The following STX17 variants were observed in gnomAD, a reference collection of about 807,000 sequenced individuals.
STX17 encodes syntaxin-17.
In STX17, 29 loss-of-function variants were observed where a neutral mutation model predicts 35.9. That is an observed-to-expected ratio of 0.81 (90% CI 0.60 to 1.10). The LOEUF (loss-of-function observed/expected upper bound fraction) is 1.10, where lower values mean the gene tolerates loss of function less well. Ranked by LOEUF, STX17 falls within the 50% of genes least tolerant of loss-of-function variation. STX17 has a pLI of 0.00. For missense variants in STX17, 312 were observed against 352.3 expected, an observed-to-expected ratio of 0.89 and a Z score of 0.92; for synonymous variants, 92 against 118.3, an observed-to-expected ratio of 0.78 and a Z score of 1.44.
In STX17 at chr9:99,963,302, C is replaced by A. The variant is rs1210278152; in HGVS notation, c.582+3147C>A. On this transcript the variant is annotated intron_variant, in intron 6 of 7. Coordinates refer to ENST00000259400, the MANE Select transcript of STX17 (RefSeq NM_017919.3). ...CTCTCCCTATAACTTTGTAACTAGC[C>A]CTATTTCTAGTCAAGGAGAATTTAA... is the stretch of plus-strand genomic sequence containing the variant. Among the ~76,000 whole-genome samples, 5 of 152,024 alleles carry A rather than the reference C, an allele frequency of 3.3e-5. No individual in the cohort carries two copies. In the East Asian group the frequency reaches 9.6e-4, roughly 29 times the overall value.
At chr9:99,947,920 C>T (rs1441314070) in intron 3 of STX17, among the ~76,000 whole-genome samples, 1 of 151,338 alleles carries the variant, frequency 6.6e-6, no homozygotes, top group Non-Finnish European at 1.5e-5. Flanking sequence ...TACTTACTAT[C>T]TTGTTTGCTT....
Position 99,960,014 on chromosome 9 carries a change from G to A in STX17, c.513G>A (p.Ser171=), listed in dbSNP as rs761598631. 32 of 1,613,858 alleles carry A rather than the reference G, an allele frequency of 2.0e-5. No homozygotes were observed. The highest frequency in any genetic ancestry group is 2.2e-5 in the East Asian group (1 of 44,852). Residue 171 remains serine (S), a synonymous_variant, in exon 5 of 8, where the codon TCG becomes TCA. Transcript: ENST00000259400. ...EIPQDQNAAE[S]WETLEADLIE... ...CTCAAGATCAAAATGCTGCAGAATC[G>A]TGGGAAACCTTAGAAGCGGTATGTT...
intron 4 of STX17, 99 bp downstream of exon 4, chr9:99,951,384 G>T: frequency 9.6e-7 from 1 of 1,041,348 alleles, no homozygotes; most frequent in South Asian, 1.6e-5. Flanking sequence ...GGTCTTCAGA[G>T]ACCATTCACT....
At chr9:99,946,224 G>A (rs1829478906) in intron 3 of STX17, among the ~76,000 whole-genome samples, 1 of 151,988 alleles carries the variant, frequency 6.6e-6, no homozygotes. Flanking sequence ...AAGTAATCTA[G>A]CGATAAAGTA....
intron 2 of STX17, chr9:99,916,055 A>G (rs1466128083): frequency 2.2e-6 from 1 of 456,018 alleles, no homozygotes; most frequent in Non-Finnish European, 4.4e-6. Context: ...TTAGGTATAC[A>G]TACATTAAAG....
At chr9:99,952,487 C>T (rs1461683391) in intron 4 of STX17, among the ~76,000 whole-genome samples, 1 of 152,180 alleles carries the variant, frequency 6.6e-6, no homozygotes, top group Non-Finnish European at 1.5e-5. Context: ...CCTCAAGGAT[C>T]TAGAACTAGA....
At position 99,968,918 on chromosome 9, in the gene STX17, A is replaced by C; in HGVS notation, c.*245A>C. 2.7e-6 allele frequency: 1 copy of C among 376,416 alleles called. No homozygotes were observed. Among genetic ancestry groups the C allele is most frequent in the East Asian group, 4.8e-5 (1 of 20,742 alleles). 23.3% of individuals were successfully genotyped at this position (376,416 alleles called of 1,614,324 possible). A position where few individuals can be genotyped will look rare whatever the true frequency, so the allele number is the denominator to read the frequency against. ...TGTCAGGTAAAGTTTGAAGACTGCCAAGGAGCAGATTTTCTCCCTGGAAAT... is the reference window on the plus strand; with the variant it reads ...TGTCAGGTAAAGTTTGAAGACTGCCCAGGAGCAGATTTTCTCCCTGGAAAT... On this transcript the variant is annotated 3_prime_UTR_variant, in exon 8 of 8. Coordinates refer to ENST00000259400, the MANE Select transcript of STX17 (RefSeq NM_017919.3).
At position 99,959,899 on chromosome 9, in the gene STX17, G is replaced by T. The variant is rs757160374; in HGVS notation, c.416-18G>T. ...AAAGCAAATAAACTCTAAACATGGG[G>T]TTATTATGTTCATCCAGGAGCATTT... On this transcript the variant is annotated intron_variant, in intron 4 of 7. Transcript: ENST00000259400. 1.3e-6 allele frequency: 2 copies of T among 1,555,952 alleles called. No individual in the cohort carries two copies. The highest frequency in any genetic ancestry group is 1.7e-5 in the Admixed American group (1 of 57,200).
At position 99,916,093 on chromosome 9, in the gene STX17, A is replaced by C. The variant is rs767838117; in HGVS notation, c.123+731A>C. ...GTAAATCATTGTGAGATATGAGGGA[A>C]TTTCCTTACTTCACAGCTTCCCTTT... On this transcript the variant is annotated intron_variant, in intron 2 of 7. Coordinates refer to ENST00000259400, the MANE Select transcript of STX17 (RefSeq NM_017919.3). 1.8e-5 allele frequency: 8 copies of C among 455,506 alleles called. No individual in the cohort carries two copies. In the East Asian group the frequency reaches 4.9e-4, roughly 28 times the overall value. 28.2% of individuals were successfully genotyped at this position (455,506 alleles called of 1,614,324 possible). A position where few individuals can be genotyped will look rare whatever the true frequency, so the allele number is the denominator to read the frequency against.
Position 99,959,659 on chromosome 9 carries a change from C to T in STX17, c.416-258C>T, listed in dbSNP as rs553236117. Among the ~76,000 whole-genome samples the T allele has an allele frequency of 2.0e-5, 3 of 152,148 alleles. No individual in the cohort carries two copies. In the East Asian group the frequency reaches 5.8e-4, roughly 29 times the overall value. On this transcript the variant is annotated intron_variant, in intron 4 of 7. Transcript: ENST00000259400. ...ATTTCTTTGTAGAGACGAGGTCTCA[C>T]TCTGTTGCCCAGACGGGTCTTGAAC...
chr9:99,947,932 A>C (rs372194693), intron 3 of STX17, among the ~76,000 whole-genome samples: 1 of 150,274 alleles, frequency 6.7e-6, no homozygotes, highest in Non-Finnish European at 1.5e-5. Flanking sequence ...TGTTTGCTTT[A>C]TGGTACTTTT....
intron 3 of STX17, among the ~76,000 whole-genome samples, chr9:99,946,944 C>T (rs1206220169): frequency 5.3e-5 from 8 of 151,906 alleles, no homozygotes; most frequent in East Asian, 1.9e-4. Context: ...GTGTATTTTT[C>T]CTTTTATTTA....
chr9:99,968,896 C>G lies in STX17; in HGVS notation c.*223C>G. ...TGGGCTGAGGGTATATAATGTATGT[C>G]AGGTAAAGTTTGAAGACTGCCAAGG... On this transcript the variant is annotated 3_prime_UTR_variant, in exon 8 of 8. Transcript: ENST00000259400. 2.1e-6 allele frequency: 1 copy of G among 486,900 alleles called. No homozygotes were observed. Among genetic ancestry groups the G allele is most frequent in the Non-Finnish European group, 3.3e-6 (1 of 306,230 alleles). The allele number at this position is 486,900 out of a possible 1,614,324, so 30.2% of individuals were successfully genotyped here.
intron 4 of STX17, 113 bp downstream of exon 4, chr9:99,951,398 C>T (rs1829592781): frequency 1.1e-6 from 1 of 899,044 alleles, no homozygotes; most frequent in South Asian, 1.9e-5. Context: ...ATTCACTATC[C>T]CAATATGCTG....
rs1830001985 is a variant in STX17 at position 99,970,651 on chromosome 9, A to G, written c.*1978A>G. On this transcript the variant is annotated 3_prime_UTR_variant, in exon 8 of 8. Coordinates refer to ENST00000259400, the MANE Select transcript of STX17 (RefSeq NM_017919.3). The stretch of plus-strand genomic sequence containing the variant: ...GTCCAGCATAGTCAGCTGAAATTAT[A>G]AATCTAAGAAACAGTTACATCAAGA... 6.6e-6 allele frequency among the ~76,000 whole-genome samples: 1 copy of G among 152,202 alleles called. No homozygotes were observed. The highest frequency in any genetic ancestry group is 2.4e-5 in the African/African-American group (1 of 41,448).
At chr9:99,914,418 C>G (rs1262564873) in intron 1 of STX17, among the ~76,000 whole-genome samples, 1 of 152,170 alleles carries the variant, frequency 6.6e-6, no homozygotes, top group Non-Finnish European at 1.5e-5. Flanking sequence ...AACCTACTCA[C>G]CTCTAGCCCC....
chr9:99,963,408 G>T (rs186634694), intron 6 of STX17, among the ~76,000 whole-genome samples: 21 of 152,234 alleles, frequency 1.4e-4, no homozygotes, highest in Non-Finnish European at 1.2e-4. Flanking sequence ...CTTATTCCCT[G>T]TCGTTTTTGT....
intron 3 of STX17, among the ~76,000 whole-genome samples, chr9:99,937,612 T>A (rs940006577): frequency 6.6e-6 from 1 of 152,216 alleles, no homozygotes; most frequent in African/African-American, 2.4e-5. Context: ...CTTTTTTATA[T>A]CTTCTGTGTC....
At chr9:99,922,600 G>A (rs538093179) in intron 2 of STX17, among the ~76,000 whole-genome samples, 1 of 152,352 alleles carries the variant, frequency 6.6e-6, no homozygotes, top group East Asian at 1.9e-4. Flanking sequence ...TCCCACATGT[G>A]TAGTCCTAAA....
Sources: allele counts gnomAD v4.1 joint callset (sites outside exome capture counted in the v4.1 genomes callset), GRCh38; gene constraint gnomAD v4.1.1; transcripts MANE v1.5; gene names NCBI Gene and HGNC (gene_info 2026-07-23, HGNC 2026-07-21).